Variants in EYS observed in about 807,000 individuals in gnomAD.
EYS encodes the protein EGF-like photoreceptor maintenance factor, also known as protein eyes shut homolog.
A neutral mutation model predicts 282.1 loss-of-function variants in EYS; 250 were observed. That is an observed-to-expected ratio of 0.89 (90% CI 0.80 to 0.98). EYS has a LOEUF of 0.98. EYS is among the 50% of genes least tolerant of loss of function. EYS has a pLI of 0.00. For synonymous variants in EYS, 1,355 were observed against 1,282.9 expected, an observed-to-expected ratio of 1.06 and a Z score of -1.20; for missense variants, 4,016 against 3,709.0, an observed-to-expected ratio of 1.08 and a Z score of -2.15.
intron 34 of EYS, among the ~76,000 whole-genome samples, chr6:63,991,822 A>G (rs1455826664): frequency 6.6e-6 from 1 of 151,784 alleles, no homozygotes; most frequent in Non-Finnish European, 1.5e-5. Context: ...AAACCAGAGA[A>G]TTTTAAAAGA....
At chr6:65,196,807 A>T (rs1562016523) in intron 12 of EYS, among the ~76,000 whole-genome samples, 1 of 152,050 alleles carries the variant, frequency 6.6e-6, no homozygotes, top group Non-Finnish European at 1.5e-5. Context: ...GAAGCACCCA[A>T]AGGAAACAAG....
rs150887185 is a variant in EYS, at chr6:65,676,057, C to T, written c.-448+31078G>A. On this transcript the variant is annotated intron_variant, in intron 1 of 42. Transcript: ENST00000503581. Reference sequence around the variant, plus strand: ...AAACAAAAATGAAAACCTAACATACCAAAATTTATGAGCTGTAGCAAAAGC... The same window carrying T: ...AAACAAAAATGAAAACCTAACATACTAAAATTTATGAGCTGTAGCAAAAGC... Among the ~76,000 whole-genome samples the T allele has an allele frequency of 1.5e-3, 231 of 151,572 alleles. 1 individual carries two copies. The highest frequency in any genetic ancestry group is 5.5e-3 in the African/African-American group (229 of 41,438).
At chr6:64,406,169 C>T (rs1352090644) in intron 28 of EYS, among the ~76,000 whole-genome samples, 1 of 152,124 alleles carries the variant, frequency 6.6e-6, no homozygotes, top group Non-Finnish European at 1.5e-5. Flanking sequence ...ACATCTACAA[C>T]AATTTGATCT....
chr6:65,428,658 T>G (rs1293426340), intron 5 of EYS, among the ~76,000 whole-genome samples: 1 of 152,106 alleles, frequency 6.6e-6, no homozygotes, highest in Non-Finnish European at 1.5e-5. Flanking sequence ...CTCCTTCCCT[T>G]AAACTCCACC....
chr6:65,148,807 C>T (rs984936745), intron 12 of EYS, among the ~76,000 whole-genome samples: 1 of 152,228 alleles, frequency 6.6e-6, no homozygotes, highest in Middle Eastern at 3.4e-3. Flanking sequence ...GGCAGAGTTT[C>T]CCAAACCTCG....
At chr6:64,464,974 G>A (rs1325660049) in intron 26 of EYS, among the ~76,000 whole-genome samples, 3 of 151,640 alleles carry the variant, frequency 2.0e-5, no homozygotes, top group Non-Finnish European at 4.4e-5. Flanking sequence ...AATAATTCAA[G>A]AGAACAATTC....
intron 13 of EYS, among the ~76,000 whole-genome samples, chr6:65,006,709 A>G (rs1353814428): frequency 6.6e-6 from 1 of 152,188 alleles, no homozygotes; most frequent in African/African-American, 2.4e-5. Context: ...GGACAGGATG[A>G]TAGATGGTTC....
At chr6:64,075,050 CAT>C (rs1161039626) in intron 32 of EYS, among the ~76,000 whole-genome samples, 2 of 151,946 alleles carry the variant, frequency 1.3e-5, no homozygotes, top group Admixed American at 6.6e-5. Context: ...TGCTTCATGA[CAT>C]ATGATAAAGA....
intron 26 of EYS, among the ~76,000 whole-genome samples, chr6:64,587,751 G>T (rs1766277629): frequency 6.6e-6 from 1 of 151,970 alleles, no homozygotes; most frequent in Non-Finnish European, 1.5e-5. Flanking sequence ...GGCAACATCT[G>T]CATCTAAATT....
At chr6:64,958,317 G>A (rs978599040) in intron 14 of EYS, among the ~76,000 whole-genome samples, 2 of 152,052 alleles carry the variant, frequency 1.3e-5, no homozygotes, top group Non-Finnish European at 2.9e-5. Context: ...GGGAGGCAGC[G>A]GTTGCAGTGA....
intron 11 of EYS, chr6:65,331,601 C>T (rs532096186): frequency 1.4e-5 from 14 of 976,360 alleles, no homozygotes; most frequent in African/African-American, 7.0e-5. Context: ...ATCCAAGATT[C>T]TCTGGATATC....
chr6:65,397,343 A>T (rs1766316910), intron 7 of EYS, among the ~76,000 whole-genome samples: 1 of 151,836 alleles, frequency 6.6e-6, no homozygotes, highest in South Asian at 2.1e-4. Context: ...TTTACCCAAT[A>T]GTTCATATTT....
intron 26 of EYS, among the ~76,000 whole-genome samples, chr6:64,549,598 TCTC>T (rs767311591): frequency 6.6e-6 from 1 of 152,144 alleles, no homozygotes; most frequent in South Asian, 2.1e-4. Flanking sequence ...TTTATTTCCT[TCTC>T]CTCTGGTTTT....
chr6:63,934,409 A>G (rs1042714556), intron 35 of EYS, among the ~76,000 whole-genome samples: 91 of 152,062 alleles, frequency 6.0e-4, no homozygotes, highest in Non-Finnish European at 1.2e-3. Context: ...GTATATACCC[A>G]AAGGATTATA....
intron 22 of EYS, among the ~76,000 whole-genome samples, chr6:64,781,450 G>A (rs765713293): frequency 6.6e-6 from 1 of 151,822 alleles, no homozygotes; most frequent in Non-Finnish European, 1.5e-5. Context: ...GGTGGCTCAC[G>A]CCTGTAATCC....
chr6:63,843,137 C>A (rs1262949428), intron 36 of EYS, among the ~76,000 whole-genome samples: 1 of 152,098 alleles, frequency 6.6e-6, no homozygotes, highest in Non-Finnish European at 1.5e-5. Flanking sequence ...TTTTCTAATT[C>A]TGTGAAGAAA....
chr6:65,176,577 T>C (rs1053833692), intron 12 of EYS, among the ~76,000 whole-genome samples: 2 of 151,588 alleles, frequency 1.3e-5, no homozygotes, highest in East Asian at 3.9e-4. Flanking sequence ...AAGGCCTTAC[T>C]TGTCTATATC....
intron 26 of EYS, among the ~76,000 whole-genome samples, chr6:64,495,893 A>T (rs1356162547): frequency 2.0e-5 from 3 of 151,848 alleles, no homozygotes; most frequent in East Asian, 1.9e-4. Flanking sequence ...ATGATATCAG[A>T]TTTTTATTTT....
intron 35 of EYS, among the ~76,000 whole-genome samples, chr6:63,971,347 T>G (rs760532188): frequency 7.9e-5 from 12 of 152,224 alleles, no homozygotes; most frequent in Non-Finnish European, 1.8e-4. Context: ...AATAGATGTT[T>G]AATACATACA....
Sources: gnomAD v4.1 joint callset for allele counts (sites outside exome capture counted in the v4.1 genomes callset) on GRCh38, gnomAD v4.1.1 for gene constraint, MANE v1.5 for transcripts, NCBI Gene and HGNC (gene_info 2026-07-23, HGNC 2026-07-21) for gene names.